AP2A2: variants seen among roughly 807,000 people sequenced by gnomAD.
AP2A2 encodes AP-2 complex subunit alpha-2.
In AP2A2, 32 loss-of-function variants were observed where a neutral mutation model predicts 104.2. The observed-to-expected ratio is 0.31, with a 90% CI of 0.23 to 0.41. AP2A2 has a LOEUF of 0.41. AP2A2 is among the 10% of genes least tolerant of loss of function. The pLI is 1.00. For synonymous variants in AP2A2, 539 were observed against 533.3 expected (o/e 1.01, Z -0.15); for missense variants, 912 against 1,261.0 (o/e 0.72, Z 4.19).
chr11:1,010,539 C>T lies in AP2A2; in HGVS notation c.2743-9C>T, dbSNP rs1250094543. 1.3e-6 allele frequency: 2 copies of T among 1,582,418 alleles called. No individual in the cohort carries two copies. Among genetic ancestry groups the T allele is most frequent in the Non-Finnish European group, 1.7e-6 (2 of 1,164,296 alleles). On this transcript the variant is annotated splice_polypyrimidine_tract_variant and intron_variant, in intron 21 of 21. Coordinates refer to ENST00000448903, the MANE Select transcript of AP2A2 (RefSeq NM_012305.4). ...CGTGCCCGTTGACCTGCTGTGCTCT[C>T]TGTTTCAGATGTACCGGCTCACGCT...
chr11:959,401 A>T (rs752011070), intron 1 of AP2A2, 36 bp from the exon 2 acceptor site: 1 of 1,375,138 alleles, frequency 7.3e-7, no homozygotes, highest in East Asian at 2.3e-5. Flanking sequence ...TTAGAAATCA[A>T]TTAAAATAAA....
rs1218083257 is a variant in AP2A2 at position 1,009,826 on chromosome 11, C to T, written c.2742+9C>T. 7 of 1,538,114 alleles carry T rather than the reference C, an allele frequency of 4.6e-6. No individual in the cohort carries two copies. The highest frequency in any genetic ancestry group is 8.8e-7 in the Non-Finnish European group (1 of 1,136,000). Reference sequence around the variant, plus strand: ...CGAACCTGCAAGCCCAGGTCAGGCCCTCAGGAAATGGTGGAACACACTTGA... The same window carrying T: ...CGAACCTGCAAGCCCAGGTCAGGCCTTCAGGAAATGGTGGAACACACTTGA... On this transcript the variant is annotated intron_variant, in intron 21 of 21. Transcript: ENST00000448903.
chr11:953,459 C>T (rs914951075), intron 1 of AP2A2, among the ~76,000 whole-genome samples: 18 of 152,196 alleles, frequency 1.2e-4, no homozygotes, highest in African/African-American at 4.1e-4. Flanking sequence ...GCCACTGCGC[C>T]TAGCCTGAAT....
intron 1 of AP2A2, among the ~76,000 whole-genome samples, chr11:941,715 G>T (rs1317833381): frequency 6.6e-6 from 1 of 151,588 alleles, no homozygotes; most frequent in Non-Finnish European, 1.5e-5. Context: ...AGCCTCCCAA[G>T]TAGCTGGGAC....
intron 1 of AP2A2, among the ~76,000 whole-genome samples, chr11:949,556 C>A (rs775448734): frequency 5.2e-4 from 79 of 152,092 alleles, no homozygotes; most frequent in Non-Finnish European, 1.0e-3. Context: ...GCGGGTGGAT[C>A]ACGAAGTCAG....
intron 14 of AP2A2, among the ~76,000 whole-genome samples, chr11:994,781 C>A (rs1590009004): frequency 7.7e-6 from 1 of 130,406 alleles, no homozygotes; most frequent in Non-Finnish European, 1.6e-5. Flanking sequence ...GTCCCTGCTG[C>A]ACACCCTGCT....
intron 1 of AP2A2, among the ~76,000 whole-genome samples, chr11:931,808 T>G (rs531399925): frequency 6.7e-6 from 1 of 150,310 alleles, no homozygotes; most frequent in Admixed American, 6.6e-5. Context: ...TCTTGTTTTT[T>G]TTTTTTTTTT....
intron 1 of AP2A2, among the ~76,000 whole-genome samples, chr11:928,669 C>T (rs6597970): frequency 1.7e-3 from 256 of 152,232 alleles, no homozygotes; most frequent in Middle Eastern, 6.8e-3. Flanking sequence ...AGTTGTCCGC[C>T]GTCGAGAACC....
chr11:991,864 G>A (rs541505955), intron 10 of AP2A2, among the ~76,000 whole-genome samples: 5 of 152,250 alleles, frequency 3.3e-5, no homozygotes, highest in African/African-American at 1.2e-4. Flanking sequence ...GGCGCTGTTC[G>A]AAGGGGGCTT....
chr11:935,603 G>GTTTCTTTTTTTTTTTTTTT (rs1853428647), intron 1 of AP2A2, among the ~76,000 whole-genome samples: 1 of 77,988 alleles, frequency 1.3e-5, no homozygotes, highest in Non-Finnish European at 2.4e-5. Flanking sequence ...TGCCCGGCCA[G>GTTTCTTTTTTTTTTTTTTT]TTTTTTTTTT....
intron 1 of AP2A2, among the ~76,000 whole-genome samples, chr11:934,912 G>A (rs1174196319): frequency 6.6e-6 from 1 of 151,192 alleles, no homozygotes; most frequent in Non-Finnish European, 1.5e-5. Context: ...AGGCTGGAGT[G>A]CAGTGGCGCA....
Position 1,008,013 on chromosome 11 carries a change from C to T in AP2A2, c.2298C>T (p.Asn766=). Residue 766 remains asparagine (N), a splice_region_variant and synonymous_variant, in exon 18 of 22, where the codon AAC becomes AAT. Coordinates refer to ENST00000448903, the MANE Select transcript of AP2A2 (RefSeq NM_012305.4). ...AGCTGGATTCCTTAACGCACGCACA[C>T]CTGAACCTGCAGACCAAGCCCGTGG... The part of the protein sequence containing the change: ...TLICSDDLQP[N]LNLQTKPVDP... 1 of 1,556,864 alleles carries T rather than the reference C, an allele frequency of 6.4e-7. No homozygotes were observed. The highest frequency in any genetic ancestry group is 8.7e-7 in the Non-Finnish European group (1 of 1,150,762).
chr11:939,941 G>T (rs10794348), intron 1 of AP2A2, among the ~76,000 whole-genome samples: 31 of 138,944 alleles, frequency 2.2e-4, no homozygotes, highest in Admixed American at 5.0e-4. Flanking sequence ...ATTGCCTTTT[G>T]TTTTGCTTAC....
intron 21 of AP2A2, chr11:1,010,085 TC>T: frequency 2.0e-6 from 1 of 499,988 alleles, no homozygotes; most frequent in Admixed American, 3.3e-5. Flanking sequence ...CATCCCAGCC[TC>T]CCCACAGCTG....
At chr11:984,487 CA>C (rs1279642922) in intron 6 of AP2A2, among the ~76,000 whole-genome samples, 157 bp from the exon 7 acceptor site, 1 of 152,146 alleles carries the variant, frequency 6.6e-6, no homozygotes, top group African/African-American at 2.4e-5. Context: ...ACGGCGAACC[CA>C]GGGGGTACCA....
intron 18 of AP2A2, chr11:1,008,448 G>A (rs1417532667): frequency 3.1e-6 from 1 of 319,618 alleles, no homozygotes; most frequent in East Asian, 6.0e-5. Flanking sequence ...CACCTGCCCG[G>A]CTTGGTACCA....
chr11:1,008,515 C>T (rs1438959654), intron 18 of AP2A2: 6 of 228,186 alleles, frequency 2.6e-5, no homozygotes, highest in African/African-American at 2.3e-5. Flanking sequence ...GCCTGGGGGG[C>T]GCGTTTTTTG....
intron 4 of AP2A2, among the ~76,000 whole-genome samples, chr11:972,895 G>A (rs1452844043): frequency 3.3e-5 from 5 of 152,250 alleles, no homozygotes; most frequent in African/African-American, 7.2e-5. Context: ...AGGGCTTCAC[G>A]CGGAGAAGCC....
chr11:990,558 G>A (rs892447199), intron 10 of AP2A2, among the ~76,000 whole-genome samples: 10 of 152,172 alleles, frequency 6.6e-5, no homozygotes, highest in African/African-American at 2.2e-4. Flanking sequence ...GCCCCTCTGC[G>A]TGATGAGCGG....
Sources: gnomAD v4.1 joint callset for allele counts (sites outside exome capture counted in the v4.1 genomes callset) on GRCh38, gnomAD v4.1.1 for gene constraint, MANE v1.5 for transcripts, NCBI Gene and HGNC (gene_info 2026-07-23, HGNC 2026-07-21) for gene names.